The following CYP46A1 variants were observed in gnomAD, a reference collection of about 807,000 sequenced individuals.
The protein encoded by CYP46A1 is cytochrome P450 family 46 subfamily A member 1.
Under a neutral mutation model 63.3 loss-of-function variants are expected in CYP46A1, and 20 were observed. That is an observed-to-expected ratio of 0.32 (90% CI 0.22 to 0.46). CYP46A1 has a LOEUF of 0.46. Among genes scored for constraint, CYP46A1 ranks in the 20% least tolerant of loss-of-function variants. The probability of loss-of-function intolerance (pLI) is 1.00; values close to 1 mark genes in which losing one functional copy is unlikely to be tolerated. For synonymous variants in CYP46A1, 268 were observed against 273.6 expected, an observed-to-expected ratio of 0.98 and a Z score of 0.20; for missense variants, 445 against 670.8, an observed-to-expected ratio of 0.66 and a Z score of 3.72.
intron 9 of CYP46A1, chr14:99,717,822 C>A (rs757234128): frequency 2.0e-6 from 1 of 492,450 alleles, no homozygotes; most frequent in Non-Finnish European, 3.6e-6. Flanking sequence ...GCTGTGTGAC[C>A]ACAGAGACCC....
chr14:99,697,857 T>G (rs1481682307), intron 3 of CYP46A1, among the ~76,000 whole-genome samples: 1 of 152,142 alleles, frequency 6.6e-6, no homozygotes, highest in African/African-American at 2.4e-5. Context: ...AGACCCTGAC[T>G]GAGGCTACTC....
intron 10 of CYP46A1, 128 bp downstream of exon 10, chr14:99,718,254 G>A: frequency 4.5e-6 from 3 of 672,712 alleles, no homozygotes; most frequent in Non-Finnish European, 7.8e-6. Flanking sequence ...CTTGGCACAT[G>A]CTGTTCCCTC....
intron 3 of CYP46A1, 101 bp downstream of exon 3, chr14:99,691,962 A>T (rs2056547448): frequency 8.0e-7 from 1 of 1,246,436 alleles, no homozygotes. Context: ...TTCCAGAGCC[A>T]GGCGCATTTC....
chr14:99,696,045 G>T (rs1202112256), intron 3 of CYP46A1, among the ~76,000 whole-genome samples: 1 of 152,158 alleles, frequency 6.6e-6, no homozygotes, highest in Non-Finnish European at 1.5e-5. Flanking sequence ...ATAGCACACA[G>T]TTGATTCTTG....
intron 1 of CYP46A1, among the ~76,000 whole-genome samples, chr14:99,688,662 C>A (rs532752282): frequency 3.9e-5 from 6 of 152,298 alleles, no homozygotes; most frequent in Admixed American, 2.0e-4. Context: ...TGGAACAAAA[C>A]CTTTCCCTTC....
At chr14:99,699,156 G>A (rs1186761677) in intron 3 of CYP46A1, among the ~76,000 whole-genome samples, 2 of 151,962 alleles carry the variant, frequency 1.3e-5, no homozygotes, top group Admixed American at 1.3e-4. Context: ...GCCTTTTCCT[G>A]TTTTGCTGCT....
At chr14:99,689,836 C>T (rs772914011) in intron 1 of CYP46A1, among the ~76,000 whole-genome samples, 4 of 152,170 alleles carry the variant, frequency 2.6e-5, no homozygotes, top group Non-Finnish European at 4.4e-5. Context: ...CTCTGCACTG[C>T]TGCAAAACAA....
intron 5 of CYP46A1, chr14:99,706,339 C>T: frequency 1.1e-5 from 3 of 265,176 alleles, no homozygotes; most frequent in Non-Finnish European, 2.2e-5. Flanking sequence ...AAAGTTTCTA[C>T]ACTGTCACGT....
Position 99,725,819 on chromosome 14 carries a change from G to A in CYP46A1, c.1265+340G>A, listed in dbSNP as rs1183822356. Among the ~76,000 whole-genome samples, 1 of 152,186 alleles carries A rather than the reference G, an allele frequency of 6.6e-6. No homozygotes were observed. The highest frequency in any genetic ancestry group is 6.5e-5 in the Admixed American group (1 of 15,282). The stretch of plus-strand genomic sequence containing the variant: ...TGCAAGTTGCTGTGGGGGTCAACGC[G>A]TTAAGGTACCGAAGCCATGGTGGGA... On this transcript the variant is annotated intron_variant, in intron 13 of 14. Transcript: ENST00000261835. This position sits in a 1 kb window ranked among gnomAD's most constrained non-coding sequence, Gnocchi z 4.2.
At chr14:99,707,825 G>A (rs1377115159) in intron 7 of CYP46A1, 147 bp downstream of exon 7, 6 of 638,458 alleles carry the variant, frequency 9.4e-6, no homozygotes, top group Non-Finnish European at 1.6e-5. Context: ...ATCAGGATTT[G>A]CATGCATTGC....
At chr14:99,724,283 T>C (rs1053096697) in intron 12 of CYP46A1, among the ~76,000 whole-genome samples, 2 of 152,222 alleles carry the variant, frequency 1.3e-5, no homozygotes, top group Non-Finnish European at 2.9e-5. Context: ...TTTTTATTTT[T>C]ACCTGTGAGG....
intron 12 of CYP46A1, among the ~76,000 whole-genome samples, chr14:99,724,557 A>G (rs1184049863): frequency 6.6e-6 from 1 of 152,100 alleles, no homozygotes; most frequent in African/African-American, 2.4e-5. Flanking sequence ...CTGGGCTCCA[A>G]CCCCACCTCT....
At position 99,684,308 on chromosome 14, in the gene CYP46A1, TG is replaced by T; in HGVS notation, c.-108del. 2 of 522,194 alleles carry T rather than the reference TG, an allele frequency of 3.8e-6. No individual in the cohort carries two copies. The highest frequency in any genetic ancestry group is 5.5e-6 in the Non-Finnish European group (2 of 365,208). The allele number at this position is 522,194 out of a possible 1,614,324, so 32.3% of individuals were successfully genotyped here. A position where few individuals can be genotyped will look rare whatever the true frequency, so the allele number is the denominator to read the frequency against. Reference sequence around the variant, plus strand: ...GGCGGGGAGGGTGCTGGGTCGCGCCTGGCCTGGGGCCGAGGCGGCGCGCGGC... The same window carrying T: ...GGCGGGGAGGGTGCTGGGTCGCGCCTGCCTGGGGCCGAGGCGGCGCGCGGC... On this transcript the variant is annotated 5_prime_UTR_variant, in exon 1 of 15. Transcript: ENST00000261835.
intron 1 of CYP46A1, among the ~76,000 whole-genome samples, chr14:99,690,184 T>C (rs1490525521): frequency 2.0e-5 from 3 of 152,238 alleles, no homozygotes; most frequent in African/African-American, 7.2e-5. Context: ...AACCCATTTA[T>C]GCCTGAGGTT....
At chr14:99,685,077 T>C (rs946443501) in intron 1 of CYP46A1, among the ~76,000 whole-genome samples, 123 of 3,882 alleles carry the variant, frequency 0.032, no homozygotes, top group Non-Finnish European at 0.062. Flanking sequence ...TACACCCCCC[T>C]CAACTTGCCA....
At chr14:99,712,152 C>T (rs531559727) in intron 7 of CYP46A1, 6 of 152,198 alleles carry the variant, frequency 3.9e-5, no homozygotes, top group East Asian at 3.9e-4. Context: ...TAATGAAGGT[C>T]GTATATGATA....
At chr14:99,691,926 C>T in intron 3 of CYP46A1, 65 bp downstream of exon 3, 1 of 1,512,306 alleles carries the variant, frequency 6.6e-7, no homozygotes, top group East Asian at 2.3e-5. Flanking sequence ...GGAGTGAAGC[C>T]TGGTCCCAGA....
At chr14:99,697,009 G>T (rs2056592204) in intron 3 of CYP46A1, among the ~76,000 whole-genome samples, 1 of 152,194 alleles carries the variant, frequency 6.6e-6, no homozygotes, top group Admixed American at 6.5e-5. Flanking sequence ...GGCCTCTGCG[G>T]AAGGTCTTGT....
chr14:99,715,004 A>G lies in CYP46A1; in HGVS notation c.694-806A>G, dbSNP rs371513564. Among the ~76,000 whole-genome samples the G allele has an allele frequency of 5.5e-4, 83 of 152,224 alleles. 3 individuals are homozygous for G. The South Asian group carries it at 0.015, about 27-fold the overall frequency. On this transcript the variant is annotated intron_variant, in intron 7 of 14. Coordinates refer to ENST00000261835, the MANE Select transcript of CYP46A1 (RefSeq NM_006668.2). ...TGATAGTTACTAGAGGCTGGGAAGG[A>G]TGAGTGGGGGGATGAAGAGAAGTTG... is the stretch of plus-strand genomic sequence containing the variant.
Sources: allele counts gnomAD v4.1 joint callset (sites outside exome capture counted in the v4.1 genomes callset), GRCh38; gene constraint gnomAD v4.1.1; non-coding constraint Gnocchi (gnomAD v3.1); transcripts MANE v1.5; gene names NCBI Gene and HGNC (gene_info 2026-07-23, HGNC 2026-07-21).